PACRG: variants seen among roughly 807,000 people sequenced by gnomAD.
PACRG encodes the protein parkin coregulated gene protein.
A neutral mutation model predicts 29.7 loss-of-function variants in PACRG; 29 were observed. That is an observed-to-expected ratio of 0.98 (90% confidence interval 0.73 to 1.33). The LOEUF is 1.33. Among genes scored for constraint, PACRG ranks in the 40% most tolerant of loss-of-function variants. PACRG has a pLI of 0.00. For missense variants in PACRG, 279 were observed against 316.2 expected, an observed-to-expected ratio of 0.88 and a Z score of 0.89; for synonymous variants, 116 against 118.7, an observed-to-expected ratio of 0.98 and a Z score of 0.15.
intron 2 of PACRG, among the ~76,000 whole-genome samples, chr6:162,929,385 T>C (rs1797681460): frequency 6.6e-6 from 1 of 151,798 alleles, no homozygotes; most frequent in African/African-American, 2.4e-5. Context: ...TAAGTCTTCT[T>C]TGGAGAAATG....
intron 4 of PACRG, among the ~76,000 whole-genome samples, chr6:163,130,579 A>G (rs948911910): frequency 7.9e-5 from 12 of 152,150 alleles, no homozygotes; most frequent in African/African-American, 2.7e-4. Flanking sequence ...AAACCCTTCA[A>G]TGACCCTGCA....
chr6:163,302,800 A>G (rs1785053174), intron 4 of PACRG, among the ~76,000 whole-genome samples: 1 of 152,156 alleles, frequency 6.6e-6, no homozygotes, highest in Admixed American at 6.5e-5. Flanking sequence ...ACGATTGGTG[A>G]GTTTATCCAT....
At chr6:163,294,419 T>G (rs1226227300) in intron 4 of PACRG, among the ~76,000 whole-genome samples, 1 of 152,158 alleles carries the variant, frequency 6.6e-6, no homozygotes, top group Non-Finnish European at 1.5e-5. Context: ...GGAAAATTAC[T>G]AAAAACAAAA....
At chr6:162,896,556 A>G (rs1185075161) in intron 2 of PACRG, among the ~76,000 whole-genome samples, 2 of 152,246 alleles carry the variant, frequency 1.3e-5, no homozygotes, top group African/African-American at 4.8e-5. Flanking sequence ...TAAGAATTAT[A>G]AAATGTATAG....
At chr6:162,924,520 A>G (rs945995395) in intron 2 of PACRG, among the ~76,000 whole-genome samples, 9 of 152,070 alleles carry the variant, frequency 5.9e-5, no homozygotes, top group African/African-American at 2.2e-4. Context: ...CTAATTGTGG[A>G]TCTGACACAT....
chr6:162,844,204 C>T, intron 2 of PACRG, among the ~76,000 whole-genome samples: 1 of 151,534 alleles, frequency 6.6e-6, no homozygotes, highest in Non-Finnish European at 1.5e-5. Flanking sequence ...AGCCTCGCTG[C>T]CGCCTTGCAG....
chr6:163,147,929 C>G (rs1365411511), intron 4 of PACRG, among the ~76,000 whole-genome samples: 1 of 152,188 alleles, frequency 6.6e-6, no homozygotes, highest in African/African-American at 2.4e-5. Flanking sequence ...GTTTCTTCAG[C>G]ATTTTATGCC....
At chr6:163,010,988 A>G (rs1805559226) in intron 2 of PACRG, among the ~76,000 whole-genome samples, 2 of 152,134 alleles carry the variant, frequency 1.3e-5, no homozygotes, top group South Asian at 4.1e-4. Flanking sequence ...AGAGGAGCAG[A>G]GGAAACTCTT....
At chr6:162,786,271 A>G (rs1784460924) in intron 1 of PACRG, among the ~76,000 whole-genome samples, 1 of 152,218 alleles carries the variant, frequency 6.6e-6, no homozygotes, top group African/African-American at 2.4e-5. Context: ...ACTATAATCT[A>G]CATGTAAAAA....
At chr6:162,866,499 A>G (rs1010783044) in intron 2 of PACRG, among the ~76,000 whole-genome samples, 8 of 152,200 alleles carry the variant, frequency 5.3e-5, no homozygotes, top group Non-Finnish European at 1.5e-5. Flanking sequence ...CCTATGAGCC[A>G]TAGAGCTCGC....
At chr6:163,171,629 A>G (rs754439510) in intron 4 of PACRG, among the ~76,000 whole-genome samples, 4 of 152,232 alleles carry the variant, frequency 2.6e-5, no homozygotes, top group Admixed American at 6.5e-5. Flanking sequence ...TAGAGATAAA[A>G]TAACTTTTCC....
At chr6:163,110,401 A>G (rs1815647750) in intron 4 of PACRG, among the ~76,000 whole-genome samples, 1 of 152,236 alleles carries the variant, frequency 6.6e-6, no homozygotes, top group African/African-American at 2.4e-5. Flanking sequence ...GCACAAATAT[A>G]TATAATTACA....
At chr6:162,966,620 G>T (rs1801049032) in intron 2 of PACRG, among the ~76,000 whole-genome samples, 1 of 151,884 alleles carries the variant, frequency 6.6e-6, no homozygotes, top group South Asian at 2.1e-4. Flanking sequence ...GGGACTACAG[G>T]CGCCCTCCAC....
Position 163,107,666 on chromosome 6 carries a change from G to A in PACRG, c.613+18258G>A, listed in dbSNP as rs117067415. ...CTTCATGAGTTTCCATAGATTTCTT[G>A]GTGAATATTCTTCTCGTGCATCCTG... On this transcript the variant is annotated intron_variant, in intron 4 of 4. Coordinates refer to ENST00000366888, the MANE Select transcript of PACRG (RefSeq NM_001080379.2). Among the ~76,000 whole-genome samples, 685 of 152,186 alleles carry A rather than the reference G, an allele frequency of 4.5e-3. 2 individuals are homozygous for A. Among genetic ancestry groups the A allele is most frequent in the Non-Finnish European group, 5.3e-3 (360 of 67,994 alleles).
At chr6:163,148,564 C>T (rs1777899029) in intron 4 of PACRG, among the ~76,000 whole-genome samples, 1 of 152,136 alleles carries the variant, frequency 6.6e-6, no homozygotes, top group Non-Finnish European at 1.5e-5. Context: ...TCTCAACATC[C>T]ATACATTCCT....
At chr6:163,012,785 T>C (rs1046586949) in intron 2 of PACRG, among the ~76,000 whole-genome samples, 2 of 152,222 alleles carry the variant, frequency 1.3e-5, no homozygotes, top group Admixed American at 6.5e-5. Context: ...AATACTTGAG[T>C]GCAGGCACCA....
chr6:162,727,345 C>A (rs1192694029), upstream of PACRG: 6 of 311,090 alleles, frequency 1.9e-5, no homozygotes, highest in East Asian at 9.0e-5. Flanking sequence ...GAGAAGGCTT[C>A]GGGACCCCAC....
At chr6:163,086,189 G>T (rs1375345389) in intron 3 of PACRG, among the ~76,000 whole-genome samples, 1 of 152,206 alleles carries the variant, frequency 6.6e-6, no homozygotes, top group Non-Finnish European at 1.5e-5. Context: ...GAGCTTGTCA[G>T]TACATAAGGC....
At chr6:162,959,597 G>A (rs1390565821) in intron 2 of PACRG, among the ~76,000 whole-genome samples, 2 of 152,158 alleles carry the variant, frequency 1.3e-5, no homozygotes, top group East Asian at 3.9e-4. Flanking sequence ...GGCAGTCTAG[G>A]GTTTCAGCAT....
Sources: gnomAD v4.1 joint callset for allele counts (sites outside exome capture counted in the v4.1 genomes callset) on GRCh38, gnomAD v4.1.1 for gene constraint, MANE v1.5 for transcripts, NCBI Gene and HGNC (gene_info 2026-07-23, HGNC 2026-07-21) for gene names.